The following ABCC1 variants were observed in gnomAD, a reference collection of about 807,000 sequenced individuals.
The protein encoded by ABCC1 is ATP binding cassette subfamily C member 1 (ABCC1 blood group).
A neutral mutation model predicts 172.9 loss-of-function variants in ABCC1; 83 were observed. The ratio of observed to expected loss-of-function variants is 0.48; its 90% CI spans 0.40 to 0.58. ABCC1 has a LOEUF of 0.58. Among genes scored for constraint, ABCC1 ranks in the 20% least tolerant of loss-of-function variants. The pLI is 0.00. For missense variants in ABCC1, 1,817 were observed against 2,002.7 expected, an observed-to-expected ratio of 0.91 and a Z score of 1.77; for synonymous variants, 937 against 825.2, an observed-to-expected ratio of 1.14 and a Z score of -2.32.
chr16:15,991,544 C>G (rs2046869795), intron 1 of ABCC1, among the ~76,000 whole-genome samples: 1 of 152,030 alleles, frequency 6.6e-6, no homozygotes, highest in South Asian at 2.1e-4. Context: ...CAAGCAGGAC[C>G]CCCACTGCGG....
chr16:16,057,180 T>TTA (rs1255749660), intron 12 of ABCC1, among the ~76,000 whole-genome samples: 7 of 96,924 alleles, frequency 7.2e-5, no homozygotes, highest in African/African-American at 2.8e-4. Flanking sequence ...TGTTACTGCT[T>TTA]AAAAAAAAAA....
chr16:16,124,395 GT>G (rs2045335117), intron 24 of ABCC1, among the ~76,000 whole-genome samples: 16 of 133,352 alleles, frequency 1.2e-4, no homozygotes, highest in South Asian at 2.6e-4. Context: ...GTGTGTGTGT[GT>G]GTGTGTGTGT....
At position 16,114,941 on chromosome 16, in the gene ABCC1, C is replaced by G; in HGVS notation, c.3255C>G (p.Ser1085=). The change falls in exon 23 of 31, where the codon TCC becomes TCG. Residue 1085 remains serine (S), a synonymous_variant. Coordinates refer to ENST00000399410, the MANE Select transcript of ABCC1 (RefSeq NM_004996.4). ...RFSKELDTVD[S]MIPEVIKMFM... is the part of the protein sequence containing the mutation. ...CCAAGGAGCTGGACACAGTGGACTC[C>G]ATGATCCCGGAGGTCATCAAGATGT... is the stretch of plus-strand genomic sequence containing the variant. The G allele has an allele frequency of 6.2e-7, 1 of 1,614,084 alleles. No individual in the cohort carries two copies. Among genetic ancestry groups the G allele is most frequent in the East Asian group, 2.2e-5 (1 of 44,884 alleles).
chr16:16,113,682 T>C (rs926287958), intron 22 of ABCC1, among the ~76,000 whole-genome samples: 1 of 152,058 alleles, frequency 6.6e-6, no homozygotes, highest in Non-Finnish European at 1.5e-5. Context: ...AATTAAAGAT[T>C]TATTCGATTA....
At chr16:16,137,976 C>T (rs1054267856) in intron 29 of ABCC1, among the ~76,000 whole-genome samples, 1 of 151,964 alleles carries the variant, frequency 6.6e-6, no homozygotes, top group Non-Finnish European at 1.5e-5. Flanking sequence ...CTCAGCCTCC[C>T]AGTAACTGGG....
At chr16:16,034,491 G>A (rs1198594377) in intron 6 of ABCC1, among the ~76,000 whole-genome samples, 2 of 150,988 alleles carry the variant, frequency 1.3e-5, no homozygotes, top group East Asian at 3.9e-4. Flanking sequence ...TTGGAAAATT[G>A]TGCTCTAGTT....
chr16:16,088,624 A>ATATTT (rs2051113162), intron 18 of ABCC1, among the ~76,000 whole-genome samples: 1 of 152,228 alleles, frequency 6.6e-6, no homozygotes, highest in Admixed American at 6.5e-5. Flanking sequence ...AACAGGAAGA[A>ATATTT]TATTTTATGA....
chr16:16,111,483 T>G lies in ABCC1; in HGVS notation c.2980T>G (p.Tyr994Asp). 6.2e-7 allele frequency: 1 copy of G among 1,614,176 alleles called. No homozygotes were observed. Among genetic ancestry groups the G allele is most frequent in the Non-Finnish European group, 8.5e-7 (1 of 1,180,024 alleles). Residue 994 changes from tyrosine (Y) to aspartate (D), a missense_variant, in exon 22 of 31, where the codon TAT (tyrosine) becomes GAT (aspartate). Around this residue, in one of 3 missense-constraint regions of ABCC1, gnomAD observed 1,412 missense variants for 1,600.3 expected, o/e 0.88. Transcript: ENST00000399410. ...CCATGTGTCCGCGCTGGCTTCCAAC[T>G]ATTGGCTCAGCCTCTGGACTGATGA... Reference protein sequence around the residue: ...CNHVSALASNYWLSLWTDDPI... With the variant: ...CNHVSALASNDWLSLWTDDPI...
intron 7 of ABCC1, among the ~76,000 whole-genome samples, chr16:16,042,215 C>A (rs1473667927): frequency 6.7e-6 from 1 of 148,686 alleles, no homozygotes; most frequent in African/African-American, 2.5e-5. Flanking sequence ...AGTGAACATA[C>A]CACCAGTCAC....
intron 21 of ABCC1, 85 bp downstream of exon 21, chr16:16,106,958 C>G (rs949503069): frequency 1.3e-6 from 2 of 1,548,008 alleles, no homozygotes; most frequent in South Asian, 1.2e-5. Context: ...AGTGCCTTGT[C>G]TATGTTAACT....
At chr16:16,061,316 G>T (rs1394388717) in intron 12 of ABCC1, among the ~76,000 whole-genome samples, 1 of 152,228 alleles carries the variant, frequency 6.6e-6, no homozygotes, top group Non-Finnish European at 1.5e-5. Context: ...GCCGGACTTC[G>T]CACGTGGCCA....
chr16:16,114,661 G>C, intron 22 of ABCC1, 105 bp from the exon 23 acceptor site: 1 of 990,496 alleles, frequency 1.0e-6, no homozygotes, highest in Non-Finnish European at 1.4e-6. Context: ...ATTATTATTA[G>C]AAGTTGGGAG....
chr16:16,131,031 GA>G (rs1364331206), intron 26 of ABCC1, among the ~76,000 whole-genome samples: 5 of 152,152 alleles, frequency 3.3e-5, no homozygotes, highest in African/African-American at 4.8e-5. Flanking sequence ...TGAGGCAGGA[GA>G]GTCGCTTGAA....
chr16:16,022,923 T>C (rs2048242739), intron 5 of ABCC1, among the ~76,000 whole-genome samples: 1 of 152,096 alleles, frequency 6.6e-6, no homozygotes, highest in East Asian at 1.9e-4. Context: ...TTTTGTTTTT[T>C]GTTTTTGAGA....
chr16:15,991,477 C>T (rs575744072), intron 1 of ABCC1, among the ~76,000 whole-genome samples: 5 of 152,174 alleles, frequency 3.3e-5, no homozygotes, highest in South Asian at 4.1e-4. Flanking sequence ...AGTGAAGTTC[C>T]GCAAGGATGG....
At chr16:15,949,244 C>G (rs375402702), upstream of ABCC1, among the ~76,000 whole-genome samples, 7 of 149,186 alleles carry the variant, frequency 4.7e-5, no homozygotes, top group African/African-American at 1.7e-4. Flanking sequence ...TTAAGGCGCC[C>G]GGTACACTCC....
intron 14 of ABCC1, among the ~76,000 whole-genome samples, chr16:16,075,676 C>T (rs1026921242): frequency 6.6e-6 from 1 of 152,150 alleles, no homozygotes; most frequent in Non-Finnish European, 1.5e-5. Flanking sequence ...GCTTTGTCTC[C>T]GACACTCTCC....
intron 1 of ABCC1, among the ~76,000 whole-genome samples, chr16:15,972,787 C>CTTTTTTTTTTTTTTT (rs35086205): frequency 3.4e-5 from 3 of 89,326 alleles, no homozygotes; most frequent in Non-Finnish European, 6.1e-5. Flanking sequence ...TATTTTTTAA[C>CTTTTTTTTTTTTTTT]TTTTTTTTTT....
intron 13 of ABCC1, among the ~76,000 whole-genome samples, chr16:16,070,463 G>A (rs936716981): frequency 7.2e-5 from 11 of 152,126 alleles, no homozygotes; most frequent in Admixed American, 5.9e-4. Flanking sequence ...AGGAGATGGA[G>A]ACCATCCTGG....
Sources: allele counts gnomAD v4.1 joint callset (sites outside exome capture counted in the v4.1 genomes callset), GRCh38; gene constraint gnomAD v4.1.1; regional missense constraint gnomAD v4.1.1; transcripts MANE v1.5; gene names NCBI Gene and HGNC (gene_info 2026-07-23, HGNC 2026-07-21).